HECW2: variants seen among roughly 807,000 people sequenced by gnomAD.
HECW2 encodes the protein HECT, C2 and WW domain containing E3 ubiquitin protein ligase 2, also known as E3 ubiquitin-protein ligase HECW2.
A neutral mutation model predicts 175.2 loss-of-function variants in HECW2; 61 were observed. That is an observed-to-expected ratio of 0.35 (90% CI 0.28 to 0.43). HECW2 has a LOEUF of 0.43. Among genes scored for constraint, HECW2 ranks in the 20% least tolerant of loss-of-function variants. HECW2 has a pLI of 1.00. For missense variants in HECW2, 1,524 were observed against 2,000.5 expected (o/e 0.76, Z 4.54); for synonymous variants, 671 against 731.0 (o/e 0.92, Z 1.32).
chr2:196,462,855 T>C (rs952211242), intron 1 of HECW2, among the ~76,000 whole-genome samples: 3 of 152,120 alleles, frequency 2.0e-5, no homozygotes, highest in Non-Finnish European at 4.4e-5. Context: ...CCTAAGGAGA[T>C]GAAACAAATG....
intron 2 of HECW2, among the ~76,000 whole-genome samples, chr2:196,345,804 AC>A (rs1692935718): frequency 6.6e-6 from 1 of 152,238 alleles, no homozygotes; most frequent in Non-Finnish European, 1.5e-5. Flanking sequence ...TCCAGGTTAG[AC>A]AACAAGGGTA....
At chr2:196,553,788 G>T (rs1349370214) in intron 1 of HECW2, among the ~76,000 whole-genome samples, 1 of 152,102 alleles carries the variant, frequency 6.6e-6, no homozygotes, top group Non-Finnish European at 1.5e-5. Context: ...CACATACTAG[G>T]TAAGTTTTTA....
chr2:196,504,381 T>C (rs1687682227), intron 1 of HECW2, among the ~76,000 whole-genome samples: 1 of 146,002 alleles, frequency 6.8e-6, no homozygotes, highest in Non-Finnish European at 1.5e-5. Flanking sequence ...CCAACCCCAA[T>C]CAAAGAGATG....
At chr2:196,273,215 G>A (rs1251381342) in intron 16 of HECW2, among the ~76,000 whole-genome samples, 3 of 151,796 alleles carry the variant, frequency 2.0e-5, no homozygotes, top group Admixed American at 6.6e-5. Context: ...CTACAGGTGC[G>A]TGCCACCATG....
intron 1 of HECW2, among the ~76,000 whole-genome samples, chr2:196,504,370 C>G (rs1316639545): frequency 6.6e-6 from 1 of 151,382 alleles, no homozygotes; most frequent in African/African-American, 2.4e-5. Context: ...CCCTGTTATG[C>G]CCAACCCCAA....
chr2:196,549,583 C>A (rs1689541644), intron 1 of HECW2, among the ~76,000 whole-genome samples: 1 of 150,212 alleles, frequency 6.7e-6, no homozygotes, highest in South Asian at 2.1e-4. Context: ...CTGATATTTG[C>A]CAGTCTTGCT....
intron 1 of HECW2, among the ~76,000 whole-genome samples, chr2:196,524,634 A>C (rs1239544224): frequency 7.7e-5 from 8 of 104,382 alleles, no homozygotes; most frequent in East Asian, 4.3e-4. Flanking sequence ...ATTTCCCTCT[A>C]CACACTGCTT....
chr2:196,429,248 G>T (rs1476543459), intron 2 of HECW2, among the ~76,000 whole-genome samples: 2 of 145,938 alleles, frequency 1.4e-5, no homozygotes, highest in African/African-American at 2.8e-5. Flanking sequence ...CCTGGGGGGG[G>T]CCTACCTGCC....
chr2:196,480,003 T>C (rs2125369907), intron 1 of HECW2, among the ~76,000 whole-genome samples: 1 of 152,300 alleles, frequency 6.6e-6, no homozygotes, highest in South Asian at 2.1e-4. Flanking sequence ...TTTGAGAATT[T>C]TTATAACATG....
chr2:196,521,933 C>G (rs1012657081), intron 1 of HECW2, among the ~76,000 whole-genome samples: 2 of 151,882 alleles, frequency 1.3e-5, no homozygotes, highest in Non-Finnish European at 2.9e-5. Flanking sequence ...AATAATGCCA[C>G]AATAAACATA....
At chr2:196,395,473 T>C (rs1694634234) in intron 2 of HECW2, among the ~76,000 whole-genome samples, 1 of 152,122 alleles carries the variant, frequency 6.6e-6, no homozygotes, top group Non-Finnish European at 1.5e-5. Context: ...TGATAAGAGA[T>C]TGATATCCAG....
chr2:196,394,768 A>G (rs1335341546), intron 2 of HECW2, among the ~76,000 whole-genome samples: 1 of 152,230 alleles, frequency 6.6e-6, no homozygotes, highest in Non-Finnish European at 1.5e-5. Flanking sequence ...CTTTTGAACA[A>G]ATAGTGCTGG....
intron 3 of HECW2, among the ~76,000 whole-genome samples, chr2:196,338,722 A>C (rs1692641950): frequency 6.6e-6 from 1 of 152,244 alleles, no homozygotes; most frequent in South Asian, 2.1e-4. Flanking sequence ...AGATGGATGG[A>C]ATAAAAATGT....
chr2:196,509,192 A>G (rs1368032345), intron 1 of HECW2, among the ~76,000 whole-genome samples: 2 of 152,178 alleles, frequency 1.3e-5, no homozygotes, highest in East Asian at 1.9e-4. Context: ...CCAGATGAAG[A>G]GATACATAGG....
intron 19 of HECW2, among the ~76,000 whole-genome samples, chr2:196,245,625 G>A (rs1269328170): frequency 6.6e-6 from 1 of 152,168 alleles, no homozygotes; most frequent in African/African-American, 2.4e-5. Context: ...CCACGTAAGT[G>A]TTAGCTGTTG....
At chr2:196,427,903 G>A (rs1695594119) in intron 2 of HECW2, among the ~76,000 whole-genome samples, 1 of 152,028 alleles carries the variant, frequency 6.6e-6, no homozygotes, top group African/African-American at 2.4e-5. Context: ...TTTTTTCTTT[G>A]TATTTCCAAT....
rs1276710861 is a variant in HECW2 at position 196,194,390 on chromosome 2, T to C, written c.*6887A>G. ...TAATCTATTTTTTTTAAAGAAGATT[T>C]ATTTTGGATTAAGTGATTTCATGAT... On this transcript the variant is annotated 3_prime_UTR_variant, in exon 29 of 29. Coordinates refer to ENST00000644978, the MANE Select transcript of HECW2 (RefSeq NM_001348768.2). The C allele has an allele frequency of 1.3e-5, 2 of 152,108 alleles. No individual in the cohort carries two copies. The highest frequency in any genetic ancestry group is 1.3e-4 in the Admixed American group (2 of 15,274). 9.4% of individuals were successfully genotyped at this position (152,108 alleles called of 1,614,324 possible).
chr2:196,429,827 G>T (rs1170577311), intron 2 of HECW2, among the ~76,000 whole-genome samples: 2 of 152,144 alleles, frequency 1.3e-5, no homozygotes, highest in African/African-American at 4.8e-5. Flanking sequence ...GGAAAGAAAA[G>T]AGCTCTAGAA....
chr2:196,229,215 G>A (rs1424138629), intron 21 of HECW2, among the ~76,000 whole-genome samples: 1 of 152,108 alleles, frequency 6.6e-6, no homozygotes, highest in African/African-American at 2.4e-5. Context: ...AGGAGGGATT[G>A]TGAAAGACTT....
Sources: allele counts gnomAD v4.1 joint callset (sites outside exome capture counted in the v4.1 genomes callset), GRCh38; gene constraint gnomAD v4.1.1; transcripts MANE v1.5; gene names NCBI Gene and HGNC (gene_info 2026-07-23, HGNC 2026-07-21).